ASCC1: variants seen among roughly 807,000 people sequenced by gnomAD.
ASCC1 encodes activating signal cointegrator 1 complex subunit 1, also known as ASC-1 complex subunit P50.
Under a neutral mutation model 46.6 loss-of-function variants are expected in ASCC1, and 35 were observed. That is an observed-to-expected ratio of 0.75 (90% CI 0.57 to 0.99). ASCC1 has a LOEUF of 0.99. Ranked by LOEUF, ASCC1 falls within the 50% of genes least tolerant of loss-of-function variation. ASCC1 has a pLI of 0.00. For missense variants in ASCC1, 376 were observed against 428.7 expected, an observed-to-expected ratio of 0.88 and a Z score of 1.09; for synonymous variants, 143 against 146.6, an observed-to-expected ratio of 0.98 and a Z score of 0.18.
chr10:72,184,627 T>C (rs2133078966), intron 5 of ASCC1, among the ~76,000 whole-genome samples: 1 of 152,088 alleles, frequency 6.6e-6, no homozygotes, highest in East Asian at 1.9e-4. Context: ...CTGGTAGAAC[T>C]GAAAAGAGAA....
At chr10:72,217,033 G>T (rs772185948), upstream of ASCC1, 22 of 454,186 alleles carry the variant, frequency 4.8e-5, no homozygotes, top group Non-Finnish European at 8.4e-5. Flanking sequence ...CTCGCCCTGC[G>T]TTCTGTCGTT....
intron 4 of ASCC1, chr10:72,198,379 A>G (rs189962063): frequency 0.22 from 9,968 of 45,892 alleles, 433 homozygotes; most frequent in Middle Eastern, 0.28. Context: ...GAGGGGAGGG[A>G]AGGGAAGGGA....
intron 4 of ASCC1, among the ~76,000 whole-genome samples, chr10:72,199,448 C>A (rs1384870676): frequency 2.6e-5 from 4 of 152,032 alleles, no homozygotes; most frequent in East Asian, 1.9e-4. Flanking sequence ...CAGGTGTGCA[C>A]CACCATGCCC....
chr10:72,110,066 C>A (rs1178753083), intron 9 of ASCC1, among the ~76,000 whole-genome samples: 1 of 152,244 alleles, frequency 6.6e-6, no homozygotes. Flanking sequence ...ACTCTTCAAG[C>A]CTGTGACTAG....
At position 72,172,958 on chromosome 10, in the gene ASCC1, A is replaced by G. The variant is rs188529691; in HGVS notation, c.490-11284T>C. 4.2e-3 allele frequency among the ~76,000 whole-genome samples: 577 copies of G among 137,606 alleles called. 6 individuals carry two copies. The highest frequency in any genetic ancestry group is 0.014 in the African/African-American group (537 of 37,452). The allele number at this position is 137,606 out of a possible 152,430, so 90.3% of individuals were successfully genotyped here. On this transcript the variant is annotated intron_variant, in intron 5 of 9. Transcript: ENST00000672957. The stretch of plus-strand genomic sequence containing the variant: ...TTTTATATTATATATTATATTTTAT[A>G]TTTTTATATATGTTATATACAATAT...
At chr10:72,174,841 G>A (rs568634179) in intron 5 of ASCC1, among the ~76,000 whole-genome samples, 1 of 152,206 alleles carries the variant, frequency 6.6e-6, no homozygotes, top group East Asian at 1.9e-4. Context: ...AAGGGAGGTG[G>A]CCTGGTTTAC....
chr10:72,189,762 A>G (rs1467949184), intron 5 of ASCC1, among the ~76,000 whole-genome samples: 1 of 143,698 alleles, frequency 7.0e-6, no homozygotes, highest in South Asian at 2.2e-4. Context: ...AGATCGCACC[A>G]CTGCATTCCT....
chr10:72,201,739 A>T (rs1444872143), intron 4 of ASCC1, among the ~76,000 whole-genome samples: 1 of 152,120 alleles, frequency 6.6e-6, no homozygotes, highest in Non-Finnish European at 1.5e-5. Context: ...GGAGTTCAAG[A>T]CCAGCCTGAG....
chr10:72,098,946 A>T (rs778711981), intron 9 of ASCC1, among the ~76,000 whole-genome samples: 6 of 152,248 alleles, frequency 3.9e-5, no homozygotes, highest in Non-Finnish European at 7.3e-5. Flanking sequence ...TTTGCTGAAC[A>T]CTAATTTGAA....
At chr10:72,190,780 G>A (rs1589546829) in intron 5 of ASCC1, among the ~76,000 whole-genome samples, 1 of 151,800 alleles carries the variant, frequency 6.6e-6, no homozygotes, top group Non-Finnish European at 1.5e-5. Flanking sequence ...GACAGATCAC[G>A]AGGTCAAGAG....
intron 6 of ASCC1, among the ~76,000 whole-genome samples, chr10:72,156,499 A>G (rs551379694): frequency 3.3e-5 from 5 of 152,324 alleles, no homozygotes; most frequent in Admixed American, 3.3e-4. Context: ...GCGGTGGCTC[A>G]CGCCTGTAAT....
chr10:72,187,402 G>A (rs1853621034), intron 5 of ASCC1, among the ~76,000 whole-genome samples: 2 of 151,904 alleles, frequency 1.3e-5, no homozygotes, highest in Admixed American at 6.6e-5. Context: ...AGGAGATCGA[G>A]ACCATGACGG....
At chr10:72,168,511 T>G (rs1850661616) in intron 5 of ASCC1, among the ~76,000 whole-genome samples, 1 of 152,182 alleles carries the variant, frequency 6.6e-6, no homozygotes, top group South Asian at 2.1e-4. Context: ...GGAGGGAAAT[T>G]TGGCAATATC....
intron 1 of ASCC1, 94 bp from the exon 2 acceptor site, chr10:72,213,425 C>T (rs1858473551): frequency 2.9e-6 from 2 of 701,602 alleles, no homozygotes; most frequent in Non-Finnish European, 5.1e-6. Flanking sequence ...AATTGGGCAT[C>T]AGTTCACAGT....
chr10:72,213,312 A>G lies in ASCC1; in HGVS notation c.-14T>C. On this transcript the variant is annotated 5_prime_UTR_variant, in exon 2 of 10. Transcript: ENST00000672957. ...CAGAACTTCCATGACACTTTCTCCA[A>G]ATGATATTCCAATTATGCCCTGAAA... is the stretch of plus-strand genomic sequence containing the variant. 1 of 1,565,158 alleles carries G rather than the reference A, an allele frequency of 6.4e-7. No individual in the cohort carries two copies. The highest frequency in any genetic ancestry group is 1.4e-5 in the African/African-American group (1 of 73,904).
chr10:72,171,575 C>T lies in ASCC1; in HGVS notation c.490-9901G>A, dbSNP rs1355311590. On this transcript the variant is annotated intron_variant, in intron 5 of 9. Coordinates refer to ENST00000672957, the MANE Select transcript of ASCC1 (RefSeq NM_001198800.3). The stretch of plus-strand genomic sequence containing the variant: ...CTGAGTAGCTGGGATTACAGGCACC[C>T]GCCACCATGTCCAGCTAATTTTGTA... 3.3e-5 allele frequency among the ~76,000 whole-genome samples: 5 copies of T among 152,080 alleles called. No individual in the cohort carries two copies. In the South Asian group the frequency reaches 8.3e-4, roughly 25 times the overall value.
chr10:72,144,107 G>A (rs1282865529), intron 7 of ASCC1, among the ~76,000 whole-genome samples: 3 of 151,860 alleles, frequency 2.0e-5, no homozygotes, highest in African/African-American at 4.8e-5. Flanking sequence ...CTCCCAAGTA[G>A]CTGGGATTAC....
At chr10:72,175,859 C>T (rs1851796917) in intron 5 of ASCC1, among the ~76,000 whole-genome samples, 1 of 152,216 alleles carries the variant, frequency 6.6e-6, no homozygotes, top group Admixed American at 6.5e-5. Flanking sequence ...TTCCCAAAGA[C>T]AGACCCTGGT....
intron 5 of ASCC1, among the ~76,000 whole-genome samples, chr10:72,189,354 G>C (rs949591677): frequency 2.0e-5 from 3 of 151,942 alleles, no homozygotes; most frequent in Non-Finnish European, 2.9e-5. Flanking sequence ...CTTGCAGTAA[G>C]CAGAGATCGA....
Sources: allele counts gnomAD v4.1 joint callset (sites outside exome capture counted in the v4.1 genomes callset), GRCh38; gene constraint gnomAD v4.1.1; transcripts MANE v1.5; gene names NCBI Gene and HGNC (gene_info 2026-07-23, HGNC 2026-07-21).